The following ZBTB20 variants were observed in gnomAD, a reference collection of about 807,000 sequenced individuals.
ZBTB20 encodes zinc finger and BTB domain containing 20.
ZBTB20 carries 9 observed loss-of-function variants against 56.9 expected under a neutral mutation model. The observed-to-expected ratio is 0.16, with a 90% CI of 0.10 to 0.28. The LOEUF (loss-of-function observed/expected upper bound fraction) is 0.28, where lower values mean the gene tolerates loss of function less well. Among genes scored for constraint, ZBTB20 ranks in the 10% least tolerant of loss-of-function variants. The probability of loss-of-function intolerance (pLI) is 1.00; values close to 1 mark genes in which losing one functional copy is unlikely to be tolerated. For synonymous variants in ZBTB20, 417 were observed against 420.7 expected, an observed-to-expected ratio of 0.99 and a Z score of 0.11; for missense variants, 655 against 1,003.0, an observed-to-expected ratio of 0.65 and a Z score of 4.69.
intron 1 of ZBTB20, among the ~76,000 whole-genome samples, chr3:115,143,632 G>A (rs967689972): frequency 1.3e-5 from 2 of 152,026 alleles, no homozygotes; most frequent in Non-Finnish European, 1.5e-5. Context: ...CTTTGCTAAC[G>A]GGATAATACT....
chr3:115,089,717 T>C (rs774649385), intron 1 of ZBTB20, among the ~76,000 whole-genome samples: 1 of 151,832 alleles, frequency 6.6e-6, no homozygotes, highest in Non-Finnish European at 1.5e-5. Flanking sequence ...AGTTTTTTCA[T>C]CTAAAACATA....
chr3:114,760,104 A>G (rs988849112), intron 5 of ZBTB20, among the ~76,000 whole-genome samples: 30 of 152,234 alleles, frequency 2.0e-4, no homozygotes, highest in African/African-American at 6.0e-4. Context: ...CAATTTCCAA[A>G]GATTCACAAT....
At chr3:114,990,105 G>A (rs1364752258) in intron 2 of ZBTB20, among the ~76,000 whole-genome samples, 1 of 152,108 alleles carries the variant, frequency 6.6e-6, no homozygotes, top group Non-Finnish European at 1.5e-5. Context: ...TATTTCTCCT[G>A]CCTGATTGCC....
At chr3:114,608,433 T>C (rs1488369673) in intron 6 of ZBTB20, among the ~76,000 whole-genome samples, 2 of 152,190 alleles carry the variant, frequency 1.3e-5, no homozygotes, top group African/African-American at 4.8e-5. Flanking sequence ...GGAATGTGCA[T>C]ATTTCAAGGG....
chr3:115,093,887 T>G (rs2083287974), intron 1 of ZBTB20, among the ~76,000 whole-genome samples: 1 of 152,144 alleles, frequency 6.6e-6, no homozygotes, highest in African/African-American at 2.4e-5. Flanking sequence ...AGATCTGCTT[T>G]AGAGAGATGC....
At chr3:114,347,943 T>C (rs939873220) in intron 11 of ZBTB20, among the ~76,000 whole-genome samples, 1 of 152,246 alleles carries the variant, frequency 6.6e-6, no homozygotes, top group Non-Finnish European at 1.5e-5. Context: ...AAAATGACTC[T>C]ACCTATAGCT....
chr3:114,692,715 T>C (rs2062772165), intron 6 of ZBTB20, among the ~76,000 whole-genome samples: 2 of 152,154 alleles, frequency 1.3e-5, no homozygotes, highest in African/African-American at 2.4e-5. Flanking sequence ...ATACTTTATC[T>C]ATACACCCCC....
chr3:114,360,291 G>A (rs1030029676), intron 10 of ZBTB20, among the ~76,000 whole-genome samples: 2 of 151,466 alleles, frequency 1.3e-5, no homozygotes. Flanking sequence ...CAATGAGACC[G>A]CTGTTTTTCA....
intron 8 of ZBTB20, among the ~76,000 whole-genome samples, chr3:114,386,275 A>C (rs529478290): frequency 6.6e-5 from 10 of 151,870 alleles, no homozygotes; most frequent in Non-Finnish European, 1.5e-4. Context: ...TCTCAATCTT[A>C]TTTTTTTTAA....
intron 2 of ZBTB20, among the ~76,000 whole-genome samples, chr3:115,040,848 A>G (rs2081112656): frequency 6.6e-6 from 1 of 152,154 alleles, no homozygotes; most frequent in Non-Finnish European, 1.5e-5. Context: ...AGTTACTGGC[A>G]CCAGCAAGGG....
chr3:114,387,904 A>C (rs1191301978), intron 8 of ZBTB20: 5 of 152,258 alleles, frequency 3.3e-5, no homozygotes, highest in Non-Finnish European at 7.3e-5. Flanking sequence ...AGGCCTGTCT[A>C]TCACCTACAC....
At chr3:114,507,966 TA>T (rs1262631893) in intron 6 of ZBTB20, among the ~76,000 whole-genome samples, 10 of 152,160 alleles carry the variant, frequency 6.6e-5, no homozygotes, top group African/African-American at 2.4e-4. Context: ...TTGAATCTAC[TA>T]AGGCTTTAAC....
chr3:114,521,942 C>A (rs1296824175), intron 6 of ZBTB20, among the ~76,000 whole-genome samples: 3 of 152,148 alleles, frequency 2.0e-5, no homozygotes, highest in African/African-American at 7.2e-5. Flanking sequence ...TCCTTCAATT[C>A]ATACAACGAA....
intron 7 of ZBTB20, among the ~76,000 whole-genome samples, chr3:114,478,973 T>C (rs935216202): frequency 2.0e-5 from 3 of 152,110 alleles, no homozygotes; most frequent in Non-Finnish European, 2.9e-5. Context: ...TTATAAAAAA[T>C]GTGCCAGCTC....
chr3:114,673,235 G>T lies in ZBTB20; in HGVS notation c.-295+20293C>A, dbSNP rs1578267319. On this transcript the variant is annotated intron_variant, in intron 6 of 11. Transcript: ENST00000675478. ...AACAGCATTCTTCATCTTCAGGTAG[G>T]CAGGGCAGGTTCACTGGGGGTTGGG... Among the ~76,000 whole-genome samples, 7 of 152,174 alleles carry T rather than the reference G, an allele frequency of 4.6e-5. No homozygotes were observed. The South Asian group carries it at 1.5e-3, about 32-fold the overall frequency.
chr3:114,613,530 T>C (rs1490961615), intron 6 of ZBTB20, among the ~76,000 whole-genome samples: 1 of 152,102 alleles, frequency 6.6e-6, no homozygotes, highest in Admixed American at 6.5e-5. Flanking sequence ...AGTAATAAGA[T>C]GAGAGCAGCC....
chr3:114,854,875 G>A (rs2075171532), intron 4 of ZBTB20, among the ~76,000 whole-genome samples: 1 of 152,094 alleles, frequency 6.6e-6, no homozygotes, highest in Non-Finnish European at 1.5e-5. Flanking sequence ...TTTTCTAAAT[G>A]TCACCAAAGA....
At position 114,337,781 on chromosome 3, in the gene ZBTB20, G is replaced by A. The variant is rs1041158986; in HGVS notation, c.*1224C>T. 2 of 151,718 alleles carry A rather than the reference G, an allele frequency of 1.3e-5. No homozygotes were observed. Among genetic ancestry groups the A allele is most frequent in the Admixed American group, 6.6e-5 (1 of 15,216 alleles). 9.4% of individuals were successfully genotyped at this position (151,718 alleles called of 1,614,324 possible). A position where few individuals can be genotyped will look rare whatever the true frequency, so the allele number is the denominator to read the frequency against. ...ATTCTTTCTATCTGGAAGCAGTATCGCTAACCTTAACAGTCTTGACTTACC... is the reference window on the plus strand; with the variant it reads ...ATTCTTTCTATCTGGAAGCAGTATCACTAACCTTAACAGTCTTGACTTACC... On this transcript the variant is annotated 3_prime_UTR_variant, in exon 12 of 12. Transcript: ENST00000675478.
chr3:115,103,031 T>A (rs565847960), intron 1 of ZBTB20: 1 of 151,988 alleles, frequency 6.6e-6, no homozygotes, highest in Admixed American at 6.6e-5. Flanking sequence ...TTTTCCCATA[T>A]CTGTACATTT....
Sources: allele counts gnomAD v4.1 joint callset (sites outside exome capture counted in the v4.1 genomes callset), GRCh38; gene constraint gnomAD v4.1.1; transcripts MANE v1.5; gene names NCBI Gene and HGNC (gene_info 2026-07-23, HGNC 2026-07-21).